GALNT13: variants seen among roughly 807,000 people sequenced by gnomAD.
The protein encoded by GALNT13 is UDP-GalNAc:polypeptide N-acetylgalactosaminyltransferase 13.
A neutral mutation model predicts 64.2 loss-of-function variants in GALNT13; 28 were observed. That is an observed-to-expected ratio of 0.44 (90% CI 0.32 to 0.60). The LOEUF is 0.60. Among genes scored for constraint, GALNT13 ranks in the 20% least tolerant of loss-of-function variants. The pLI, the probability that GALNT13 is intolerant of heterozygous loss-of-function variation, is 0.05. For synonymous variants in GALNT13, 214 were observed against 224.6 expected (o/e 0.95, Z 0.42); for missense variants, 577 against 669.8 (o/e 0.86, Z 1.53).
At chr2:153,883,005 G>A (rs376260326) in intron 1 of GALNT13, among the ~76,000 whole-genome samples, 1 of 140,160 alleles carries the variant, frequency 7.1e-6, no homozygotes, top group Non-Finnish European at 1.5e-5. Flanking sequence ...GAAACACACA[G>A]AGGACCATAA....
chr2:153,368,331 A>G, the GALNT13 span, among the ~76,000 whole-genome samples: 2 of 152,154 alleles, frequency 1.3e-5, no homozygotes, highest in African/African-American at 4.8e-5. Flanking sequence ...TGTTTCTGAC[A>G]TGTGAGCAAG....
the GALNT13 span, among the ~76,000 whole-genome samples, chr2:153,196,971 A>G: frequency 1.3e-5 from 2 of 152,328 alleles, no homozygotes; most frequent in Admixed American, 6.5e-5. Context: ...CAGTGGGACA[A>G]TTCTCAGGCT....
At chr2:153,555,430 G>C in the GALNT13 span, among the ~76,000 whole-genome samples, 1 of 148,946 alleles carries the variant, frequency 6.7e-6, no homozygotes, top group African/African-American at 2.5e-5. Context: ...TCCTGACCTC[G>C]TGATCCGCCC....
At chr2:153,827,581 G>A in the GALNT13 span, among the ~76,000 whole-genome samples, 44 of 149,436 alleles carry the variant, frequency 2.9e-4, no homozygotes, top group East Asian at 1.2e-3. Flanking sequence ...AGCTGAGATC[G>A]TGCCACTGCA....
chr2:154,454,432 G>A (rs1160115429), downstream of GALNT13: 1 of 152,106 alleles, frequency 6.6e-6, no homozygotes, highest in Admixed American at 6.6e-5. Flanking sequence ...GGAGGCTGAG[G>A]TGGGCGAATC....
At chr2:153,887,276 G>T (rs965482118) in intron 1 of GALNT13, among the ~76,000 whole-genome samples, 2 of 151,032 alleles carry the variant, frequency 1.3e-5, no homozygotes, top group African/African-American at 4.9e-5. Flanking sequence ...CTCAATAAAT[G>T]TGAGCTGTTA....
intron 4 of GALNT13, among the ~76,000 whole-genome samples, chr2:154,151,682 T>C (rs1346574987): frequency 6.6e-6 from 1 of 152,246 alleles, no homozygotes; most frequent in Non-Finnish European, 1.5e-5. Context: ...TACCATTATG[T>C]AATGTCCTTC....
At chr2:153,621,109 A>T in the GALNT13 span, among the ~76,000 whole-genome samples, 460 of 152,096 alleles carry the variant, frequency 3.0e-3, 2 homozygotes, top group Non-Finnish European at 4.8e-3. Flanking sequence ...TCCCAAACAA[A>T]CAGAGTCCGT....
the GALNT13 span, among the ~76,000 whole-genome samples, chr2:153,340,772 T>TA: frequency 0.021 from 3,146 of 152,296 alleles, 118 homozygotes; most frequent in African/African-American, 0.072. Flanking sequence ...TGAGAGTTTT[T>TA]ATCACAGGAA....
At chr2:153,640,468 C>T in the GALNT13 span, among the ~76,000 whole-genome samples, 6 of 152,036 alleles carry the variant, frequency 3.9e-5, no homozygotes, top group African/African-American at 9.7e-5. Context: ...GCGTCAAAGA[C>T]GTTGCTCAGG....
the GALNT13 span, among the ~76,000 whole-genome samples, chr2:153,542,499 T>C: frequency 2.0e-5 from 3 of 152,098 alleles, no homozygotes; most frequent in Non-Finnish European, 4.4e-5. Context: ...AAGTTGGGGA[T>C]CAGTAGATGG....
chr2:153,780,214 GATATAT>G, the GALNT13 span, among the ~76,000 whole-genome samples: 938 of 127,740 alleles, frequency 7.3e-3, 15 homozygotes, highest in East Asian at 0.083. Context: ...AGAATTTGAA[GATATAT>G]ATATATATAT....
chr2:154,024,312 C>A (rs1356507560), intron 3 of GALNT13, among the ~76,000 whole-genome samples: 3 of 152,176 alleles, frequency 2.0e-5, no homozygotes, highest in Non-Finnish European at 4.4e-5. Flanking sequence ...TTGCATTTCT[C>A]CCCGTCACTT....
the GALNT13 span, among the ~76,000 whole-genome samples, chr2:153,422,841 CACA>C: frequency 3.5e-4 from 53 of 151,742 alleles, no homozygotes; most frequent in African/African-American, 1.2e-3. Context: ...TGGTGGAAAA[CACA>C]ACGACAAAAA....
intron 2 of GALNT13, among the ~76,000 whole-genome samples, chr2:153,907,225 T>C (rs1323849308): frequency 6.6e-6 from 1 of 152,022 alleles, no homozygotes; most frequent in East Asian, 1.9e-4. Context: ...TAGTTTCTTT[T>C]GCTGTGCAGA....
the GALNT13 span, among the ~76,000 whole-genome samples, chr2:153,709,268 T>C: frequency 6.6e-6 from 1 of 151,652 alleles, no homozygotes; most frequent in Admixed American, 6.6e-5. Flanking sequence ...AACAGATGAA[T>C]AGCAAAAAAC....
the GALNT13 span, among the ~76,000 whole-genome samples, chr2:153,345,633 C>CTTTTTCTTTCTTTCTTTCT: frequency 8.8e-4 from 98 of 111,874 alleles, no homozygotes; most frequent in African/African-American, 2.3e-3. Context: ...CTTTTCCTTT[C>CTTTTTCTTTCTTTCTTTCT]TTTTTCTTTC....
the GALNT13 span, among the ~76,000 whole-genome samples, chr2:153,295,648 T>C: frequency 6.6e-6 from 1 of 152,164 alleles, no homozygotes; most frequent in South Asian, 2.1e-4. Context: ...GTTTGAGAAC[T>C]TCTAAGCCTC....
At chr2:153,487,138 T>C in the GALNT13 span, among the ~76,000 whole-genome samples, 1 of 152,194 alleles carries the variant, frequency 6.6e-6, no homozygotes, top group African/African-American at 2.4e-5. Context: ...ATCTCTACAA[T>C]ACCATGTTCA....
Sources: allele counts gnomAD v4.1 joint callset (sites outside exome capture counted in the v4.1 genomes callset), GRCh38; gene constraint gnomAD v4.1.1; transcripts MANE v1.5; gene names NCBI Gene and HGNC (gene_info 2026-07-23, HGNC 2026-07-21).